GABRB2: variants seen among roughly 807,000 people sequenced by gnomAD.
GABRB2 encodes the protein gamma-aminobutyric acid type A receptor subunit beta2.
GABRB2 carries 16 observed loss-of-function variants against 54.7 expected under a neutral mutation model. The ratio of observed to expected loss-of-function variants is 0.29; its 90% CI spans 0.20 to 0.44. GABRB2 has a LOEUF of 0.44. Among genes scored for constraint, GABRB2 ranks in the 20% least tolerant of loss-of-function variants. The pLI, the probability that GABRB2 is intolerant of heterozygous loss-of-function variation, is 1.00. For synonymous variants in GABRB2, 244 were observed against 233.8 expected (o/e 1.04, Z -0.40); for missense variants, 355 against 644.0 (o/e 0.55, Z 4.86).
chr5:161,495,646 G>C (rs887270929), intron 3 of GABRB2, among the ~76,000 whole-genome samples: 17 of 151,984 alleles, frequency 1.1e-4, no homozygotes, highest in South Asian at 2.1e-4. Flanking sequence ...AATTAAAATT[G>C]TGGCCATAAA....
chr5:161,398,270 G>C lies in GABRB2; in HGVS notation c.541+12705C>G, dbSNP rs991803342. ...TCTGGAGTAAACTTTAGTGAAATTA[G>C]TTAAATTGATAAATTTCCTGACTGG... On this transcript the variant is annotated intron_variant, in intron 5 of 9. Coordinates refer to ENST00000393959, the MANE Select transcript of GABRB2 (RefSeq NM_001371727.1). Among the ~76,000 whole-genome samples, 3 of 152,262 alleles carry C rather than the reference G, an allele frequency of 2.0e-5. No homozygotes were observed. In the South Asian group the frequency reaches 6.2e-4, roughly 32 times the overall value.
rs1007651891 is a variant in GABRB2 at position 161,290,803 on chromosome 5, C to A, written c.*3278G>T. On this transcript the variant is annotated 3_prime_UTR_variant, in exon 10 of 10. Coordinates refer to ENST00000393959, the MANE Select transcript of GABRB2 (RefSeq NM_001371727.1). ...AGTTGCCAATTTAATGCAAGTCTTG[C>A]TTTAAACATGATTCATTTCCCCATT... is the stretch of plus-strand genomic sequence containing the variant. 8 of 152,518 alleles carry A rather than the reference C, an allele frequency of 5.2e-5. No individual in the cohort carries two copies. Among genetic ancestry groups the A allele is most frequent in the African/African-American group, 1.9e-4 (8 of 41,436 alleles). The allele number at this position is 152,518 out of a possible 1,614,324, so 9.4% of individuals were successfully genotyped here.
chr5:161,451,493 A>G (rs1757786046), intron 4 of GABRB2, among the ~76,000 whole-genome samples: 1 of 152,182 alleles, frequency 6.6e-6, no homozygotes, highest in Non-Finnish European at 1.5e-5. Context: ...ATGAGACTAT[A>G]AATTACAACA....
intron 3 of GABRB2, among the ~76,000 whole-genome samples, chr5:161,493,032 A>T (rs2113357338): frequency 6.6e-6 from 1 of 151,894 alleles, no homozygotes; most frequent in South Asian, 2.1e-4. Flanking sequence ...TCTGAATGAT[A>T]GATTGCTAAA....
intron 5 of GABRB2, among the ~76,000 whole-genome samples, chr5:161,357,318 A>G (rs1028928943): frequency 2.6e-5 from 4 of 152,144 alleles, no homozygotes; most frequent in Non-Finnish European, 5.9e-5. Context: ...AGCCAGTGCA[A>G]AGGACCAAAG....
chr5:161,548,058 C>T (rs1483256699), upstream of GABRB2: 1 of 152,906 alleles, frequency 6.5e-6, no homozygotes, highest in Non-Finnish European at 1.5e-5. Context: ...GAGCCCCTCA[C>T]CTCCGGAGGC....
At chr5:161,324,316 G>C (rs572946769) in intron 9 of GABRB2, among the ~76,000 whole-genome samples, 30 of 152,236 alleles carry the variant, frequency 2.0e-4, no homozygotes, top group Admixed American at 1.9e-3. Context: ...GAATGACCAT[G>C]AATTTGTTTT....
At chr5:161,468,285 T>C (rs980127799) in intron 3 of GABRB2, among the ~76,000 whole-genome samples, 12 of 152,104 alleles carry the variant, frequency 7.9e-5, no homozygotes, top group African/African-American at 2.7e-4. Flanking sequence ...CTATGTAACC[T>C]GGATTCTGCC....
chr5:161,503,818 G>A (rs1009507324), intron 3 of GABRB2, among the ~76,000 whole-genome samples: 2 of 150,802 alleles, frequency 1.3e-5, no homozygotes, highest in Non-Finnish European at 2.9e-5. Context: ...CCCTTCATAA[G>A]AGAGGCATTT....
chr5:161,377,406 T>A (rs1317440286), intron 5 of GABRB2, among the ~76,000 whole-genome samples: 1 of 152,148 alleles, frequency 6.6e-6, no homozygotes, highest in Non-Finnish European at 1.5e-5. Context: ...AGAGAATGTT[T>A]ACTGATGGAG....
chr5:161,455,464 T>C (rs760653939), intron 4 of GABRB2, among the ~76,000 whole-genome samples: 3 of 151,608 alleles, frequency 2.0e-5, no homozygotes, highest in Non-Finnish European at 4.4e-5. Context: ...AAATGTTGAG[T>C]GGTATTTCCC....
intron 4 of GABRB2, among the ~76,000 whole-genome samples, chr5:161,430,031 A>G (rs1042591432): frequency 6.6e-6 from 1 of 152,220 alleles, no homozygotes; most frequent in African/African-American, 2.4e-5. Flanking sequence ...TTAGTCAAAT[A>G]AAATAGTTAT....
At chr5:161,356,710 A>T (rs1754641193) in intron 5 of GABRB2, among the ~76,000 whole-genome samples, 2 of 152,154 alleles carry the variant, frequency 1.3e-5, no homozygotes, top group African/African-American at 2.4e-5. Flanking sequence ...CGCAGGTGCC[A>T]TGGAAAACGT....
At chr5:161,358,102 G>C (rs1754693842) in intron 5 of GABRB2, among the ~76,000 whole-genome samples, 2 of 152,090 alleles carry the variant, frequency 1.3e-5, no homozygotes, top group Admixed American at 6.6e-5. Flanking sequence ...TAAGAATTCA[G>C]GTTGATGAAA....
At chr5:161,461,996 C>G (rs915354131) in intron 3 of GABRB2, among the ~76,000 whole-genome samples, 2 of 152,086 alleles carry the variant, frequency 1.3e-5, no homozygotes, top group East Asian at 1.9e-4. Context: ...ATTATCTGCT[C>G]TAACACCGAA....
At chr5:161,475,087 C>G (rs982379554) in intron 3 of GABRB2, among the ~76,000 whole-genome samples, 1 of 151,888 alleles carries the variant, frequency 6.6e-6, no homozygotes, top group Middle Eastern at 3.2e-3. Context: ...TGGAGGGATG[C>G]TTGAGGACTA....
At chr5:161,452,224 A>T (rs1757809041) in intron 4 of GABRB2, among the ~76,000 whole-genome samples, 2 of 152,168 alleles carry the variant, frequency 1.3e-5, no homozygotes, top group Admixed American at 1.3e-4. Context: ...TAGTTTCTTG[A>T]GCAATTGAAA....
chr5:161,423,301 A>G lies in GABRB2; in HGVS notation c.459-12244T>C, dbSNP rs117017857. Among the ~76,000 whole-genome samples, 163 of 152,252 alleles carry G rather than the reference A, an allele frequency of 1.1e-3. No individual in the cohort carries two copies. The East Asian group carries it at 0.017, about 16-fold the overall frequency. The stretch of plus-strand genomic sequence containing the variant: ...ATCTTGAGAGAAGAAAGATTTCGAG[A>G]TAGGCATACCTCCTTTTATTGTGCT... On this transcript the variant is annotated intron_variant, in intron 4 of 9. Coordinates refer to ENST00000393959, the MANE Select transcript of GABRB2 (RefSeq NM_001371727.1).
At chr5:161,300,239 T>C (rs1757498059) in intron 9 of GABRB2, among the ~76,000 whole-genome samples, 1 of 152,206 alleles carries the variant, frequency 6.6e-6, no homozygotes, top group Admixed American at 6.5e-5. Flanking sequence ...TTTTACTGTT[T>C]ATATAAAAGA....
Sources: allele counts gnomAD v4.1 joint callset (sites outside exome capture counted in the v4.1 genomes callset), GRCh38; gene constraint gnomAD v4.1.1; transcripts MANE v1.5; gene names NCBI Gene and HGNC (gene_info 2026-07-23, HGNC 2026-07-21).